The following CHL1 variants were observed in gnomAD, a reference collection of about 807,000 sequenced individuals.
CHL1 encodes the protein neural cell adhesion molecule L1-like protein.
A neutral mutation model predicts 141.9 loss-of-function variants in CHL1; 96 were observed. The ratio of observed to expected loss-of-function variants is 0.68; its 90% CI spans 0.57 to 0.80. CHL1 has a LOEUF of 0.80. CHL1 is among the 30% of genes least tolerant of loss of function. The pLI is 0.00. For missense variants in CHL1, 1,820 were observed against 1,457.2 expected (o/e 1.25, Z -4.05); for synonymous variants, 613 against 502.2 (o/e 1.22, Z -2.95).
At chr3:248,951 C>T (rs1429584848) in intron 2 of CHL1, among the ~76,000 whole-genome samples, 1 of 152,150 alleles carries the variant, frequency 6.6e-6, no homozygotes. Flanking sequence ...CACAGCTAAA[C>T]AAATAACTCA....
At chr3:358,654 A>G (rs930501296) in intron 11 of CHL1, among the ~76,000 whole-genome samples, 4 of 152,094 alleles carry the variant, frequency 2.6e-5, no homozygotes, top group Non-Finnish European at 5.9e-5. Context: ...CAGTGGGGAC[A>G]CACTGCACAA....
intron 1 of CHL1, among the ~76,000 whole-genome samples, chr3:240,561 C>G (rs1462551773): frequency 1.3e-5 from 2 of 152,156 alleles, no homozygotes; most frequent in Non-Finnish European, 2.9e-5. Flanking sequence ...TCTATTTATT[C>G]TGCTGACTGT....
chr3:299,020 G>C lies in CHL1; in HGVS notation c.-94-20663G>C, dbSNP rs146953677. The stretch of plus-strand genomic sequence containing the variant: ...CTTATTTGGATGGTGGAGTCTTAGT[G>C]GACAATGGAATTTGTACAAGTTTTG... On this transcript the variant is annotated intron_variant, in intron 2 of 27. Transcript: ENST00000256509. Among the ~76,000 whole-genome samples, 442 of 152,202 alleles carry C rather than the reference G, an allele frequency of 2.9e-3. 1 individual carries two copies. The highest frequency in any genetic ancestry group is 5.0e-3 in the Admixed American group (77 of 15,268).
chr3:340,980 C>T, intron 6 of CHL1, 64 bp downstream of exon 6: 1 of 1,469,824 alleles, frequency 6.8e-7, no homozygotes, highest in Non-Finnish European at 9.3e-7. Context: ...ATATCAATAA[C>T]ATAATGAATC....
chr3:342,315 G>A (rs888909864), intron 7 of CHL1, among the ~76,000 whole-genome samples: 1 of 152,156 alleles, frequency 6.6e-6, no homozygotes, highest in African/African-American at 2.4e-5. Flanking sequence ...TATTTCATCT[G>A]ACATCTGCAG....
intron 3 of CHL1, among the ~76,000 whole-genome samples, chr3:322,671 A>AT (rs1575065555): frequency 8.0e-6 from 1 of 124,832 alleles, no homozygotes; most frequent in South Asian, 2.4e-4. Context: ...TATATATATA[A>AT]TTATATATAT....
intron 1 of CHL1, chr3:198,191 G>C (rs919840248): frequency 5.6e-6 from 1 of 177,356 alleles, no homozygotes; most frequent in Non-Finnish European, 1.2e-5. Flanking sequence ...GGCCGGCGGC[G>C]GAGGGCAGGT....
At chr3:322,684 A>G (rs1700696671) in intron 3 of CHL1, among the ~76,000 whole-genome samples, 1 of 144,436 alleles carries the variant, frequency 6.9e-6, no homozygotes, top group East Asian at 2.0e-4. Context: ...ATATATATAT[A>G]TATAAAACGA....
At chr3:330,005 T>C (rs1701313896) in intron 5 of CHL1, among the ~76,000 whole-genome samples, 1 of 152,098 alleles carries the variant, frequency 6.6e-6, no homozygotes, top group Admixed American at 6.6e-5. Context: ...AGTGAGCATA[T>C]AGAAGATTTA....
At chr3:307,085 C>T (rs1439696968) in intron 2 of CHL1, among the ~76,000 whole-genome samples, 1 of 152,164 alleles carries the variant, frequency 6.6e-6, no homozygotes, top group Non-Finnish European at 1.5e-5. Context: ...ATAATAGTTT[C>T]TTCATATTTG....
intron 12 of CHL1, among the ~76,000 whole-genome samples, chr3:361,298 G>A (rs974798809): frequency 3.4e-5 from 5 of 146,280 alleles, no homozygotes; most frequent in Non-Finnish European, 7.5e-5. Flanking sequence ...TACCATTCAG[G>A]ACATAGGCAT....
At chr3:402,535 T>C (rs1041398158) in intron 27 of CHL1, among the ~76,000 whole-genome samples, 2 of 152,212 alleles carry the variant, frequency 1.3e-5, no homozygotes, top group South Asian at 2.1e-4. Flanking sequence ...CAGGTTTGTA[T>C]TGATTTTAGC....
chr3:339,128 C>G (rs3773406), intron 5 of CHL1, among the ~76,000 whole-genome samples: 1 of 152,070 alleles, frequency 6.6e-6, no homozygotes, highest in Non-Finnish European at 1.5e-5. Flanking sequence ...AACTACCCAA[C>G]AGCACCACTG....
intron 1 of CHL1, among the ~76,000 whole-genome samples, chr3:235,910 T>C (rs994223593): frequency 3.9e-5 from 6 of 152,174 alleles, no homozygotes; most frequent in African/African-American, 1.4e-4. Context: ...AACAGAGGAC[T>C]AGCACCTCCA....
chr3:259,008 A>AT (rs900025087), intron 2 of CHL1, among the ~76,000 whole-genome samples: 1 of 145,296 alleles, frequency 6.9e-6, no homozygotes, highest in African/African-American at 2.6e-5. Context: ...ATCACGGCTC[A>AT]TTGCAGCCTC....
chr3:371,617 T>A (rs559254609), intron 15 of CHL1, among the ~76,000 whole-genome samples: 5 of 152,308 alleles, frequency 3.3e-5, no homozygotes, highest in Non-Finnish European at 7.4e-5. Context: ...TTAAGGTTAG[T>A]ATTGTTATGT....
In CHL1 at chr3:389,239, C is replaced by T. The variant is rs1170694094; in HGVS notation, c.2248-13C>T. On this transcript the variant is annotated splice_polypyrimidine_tract_variant and intron_variant, in intron 19 of 27. Transcript: ENST00000256509. ...CTGTGATCAGACTAAATGAGTCTTGCCTTCTGTTTTAGCCTTTGAAATCCA... is the reference window on the plus strand; with the variant it reads ...CTGTGATCAGACTAAATGAGTCTTGTCTTCTGTTTTAGCCTTTGAAATCCA... 1 of 1,580,780 alleles carries T rather than the reference C, an allele frequency of 6.3e-7. No homozygotes were observed. The highest frequency in any genetic ancestry group is 1.8e-5 in the Admixed American group (1 of 55,024).
intron 2 of CHL1, among the ~76,000 whole-genome samples, chr3:309,563 G>A (rs578017133): frequency 2.2e-4 from 33 of 147,330 alleles, no homozygotes; most frequent in Middle Eastern, 3.6e-3. Context: ...TCACTCTGTT[G>A]CCCAGGCAGA....
At chr3:292,896 AC>A (rs1697829832) in intron 2 of CHL1, among the ~76,000 whole-genome samples, 1 of 152,212 alleles carries the variant, frequency 6.6e-6, no homozygotes, top group African/African-American at 2.4e-5. Flanking sequence ...GATACCTCCT[AC>A]CAGGCACCAC....
Sources: allele counts gnomAD v4.1 joint callset (sites outside exome capture counted in the v4.1 genomes callset), GRCh38; gene constraint gnomAD v4.1.1; transcripts MANE v1.5; gene names NCBI Gene and HGNC (gene_info 2026-07-23, HGNC 2026-07-21).